The following DOCK9 variants were observed in gnomAD, a reference collection of about 807,000 sequenced individuals.
DOCK9 encodes the protein dedicator of cytokinesis protein 9.
DOCK9 carries 89 observed loss-of-function variants against 263.3 expected under a neutral mutation model. The observed-to-expected ratio is 0.34, with a 90% CI of 0.28 to 0.40. DOCK9 has a LOEUF of 0.40. DOCK9 is among the 10% of genes least tolerant of loss of function. The pLI, the probability that DOCK9 is intolerant of heterozygous loss-of-function variation, is 1.00. For missense variants in DOCK9, 2,140 were observed against 2,603.4 expected, an observed-to-expected ratio of 0.82 and a Z score of 3.87; for synonymous variants, 976 against 973.1, an observed-to-expected ratio of 1.00 and a Z score of -0.06.
intron 3 of DOCK9, among the ~76,000 whole-genome samples, chr13:98,926,931 T>C (rs1439524083): frequency 6.8e-6 from 1 of 147,744 alleles, no homozygotes. Flanking sequence ...TGTCAACCTT[T>C]CTATCTGTGT....
chr13:98,853,835 A>G (rs1223529188), intron 34 of DOCK9, among the ~76,000 whole-genome samples: 1 of 152,214 alleles, frequency 6.6e-6, no homozygotes, highest in Non-Finnish European at 1.5e-5. Flanking sequence ...TGCCAAGTAT[A>G]TTGAAACCTC....
At chr13:98,874,283 C>T (rs1316013594) in intron 27 of DOCK9, among the ~76,000 whole-genome samples, 4 of 152,186 alleles carry the variant, frequency 2.6e-5, no homozygotes, top group African/African-American at 4.8e-5. Flanking sequence ...TCATAGAATG[C>T]TTTTGAGATC....
At chr13:98,972,466 G>A (rs2059834315) in intron 1 of DOCK9, among the ~76,000 whole-genome samples, 1 of 152,120 alleles carries the variant, frequency 6.6e-6, no homozygotes, top group Non-Finnish European at 1.5e-5. Context: ...ACTTGGCATG[G>A]CAATGAGGTA....
intron 15 of DOCK9, among the ~76,000 whole-genome samples, chr13:98,892,979 G>A (rs773308634): frequency 4.3e-4 from 66 of 152,286 alleles, no homozygotes; most frequent in Non-Finnish European, 8.1e-4. Context: ...GCCACAGACT[G>A]GGCTTTGAAA....
In DOCK9 at chr13:98,825,093, G is replaced by A. The variant is rs2092470508; in HGVS notation, c.5024-589C>T. On this transcript the variant is annotated intron_variant, in intron 44 of 52. Coordinates refer to ENST00000682017, the MANE Select transcript of DOCK9 (RefSeq NM_001366683.2). The surrounding 1 kb of genome is among the most constrained non-coding windows in gnomAD (Gnocchi z 4.1). ...TGGGTGGCTGGCTGCATCAACAGAGGGCATGGATGCCTGGGCACTCTGATT... is the reference window on the plus strand; with the variant it reads ...TGGGTGGCTGGCTGCATCAACAGAGAGCATGGATGCCTGGGCACTCTGATT... Among the ~76,000 whole-genome samples, 1 of 152,156 alleles carries A rather than the reference G, an allele frequency of 6.6e-6. No homozygotes were observed.
At position 98,957,724 on chromosome 13, in the gene DOCK9, G is replaced by A. The variant is rs538469755; in HGVS notation, c.127-2173C>T. Among the ~76,000 whole-genome samples, 12 of 152,144 alleles carry A rather than the reference G, an allele frequency of 7.9e-5. No individual in the cohort carries two copies. In the South Asian group the frequency reaches 1.2e-3, roughly 16 times the overall value. On this transcript the variant is annotated intron_variant, in intron 1 of 52. Transcript: ENST00000682017. ...CTTGCTGGCAAAATGAATGGATGTCGTGATTAATAACATTTTCCCTAGGAA... is the reference window on the plus strand; with the variant it reads ...CTTGCTGGCAAAATGAATGGATGTCATGATTAATAACATTTTCCCTAGGAA...
rs758367314 is a variant in DOCK9 at position 98,888,417 on chromosome 13, A to G, written c.1920T>C (p.Asn640=). The change falls in exon 17 of 53, where the codon AAT becomes AAC. Residue 640 remains asparagine, a synonymous_variant. Coordinates refer to ENST00000682017, the MANE Select transcript of DOCK9 (RefSeq NM_001366683.2). ...KHTQPYTIYT[N]HLYVYPKYLK... ...AGTACTTAGGATAAACGTAAAGGTG[A>G]TTGGTGTAGATGGTGTAAGGCTGAG... 1 of 1,614,000 alleles carries G rather than the reference A, an allele frequency of 6.2e-7. No individual in the cohort carries two copies. Among genetic ancestry groups the G allele is most frequent in the Non-Finnish European group, 8.5e-7 (1 of 1,179,860 alleles).
In DOCK9 at chr13:98,805,129, C is replaced by T. The variant is rs561415253; in HGVS notation, c.5595G>A (p.Leu1865=). The change falls in exon 49 of 53, where the codon TTG becomes TTA. Residue 1865 remains leucine, a synonymous_variant. Coordinates refer to ENST00000682017, the MANE Select transcript of DOCK9 (RefSeq NM_001366683.2). ...HVIPFFDEKE[L]QERKTEFERS... is the part of the protein sequence containing the mutation. The stretch of plus-strand genomic sequence containing the variant: ...TCTCAAACTCTGTTTTCCTTTCTTG[C>T]AACTCTTTTTCGTCAAAGAAGGGGA... 21 of 1,610,076 alleles carry T rather than the reference C, an allele frequency of 1.3e-5. No individual in the cohort carries two copies. In the South Asian group the frequency reaches 1.3e-4, roughly 10 times the overall value.
chr13:99,016,076 C>T (rs1327890672), intron 1 of DOCK9: 2 of 152,900 alleles, frequency 1.3e-5, no homozygotes. Context: ...GAATGTTCAT[C>T]TGCTGCAAGA....
rs2092502657 is a variant in DOCK9, at chr13:98,825,782, T to C, written c.5023+1048A>G. On this transcript the variant is annotated intron_variant, in intron 44 of 52. Transcript: ENST00000682017. This position sits in a 1 kb window ranked among gnomAD's most constrained non-coding sequence, Gnocchi z 4.1. ...AGGGAAGGAGAGTGAAGTCTGTCCA[T>C]GCAAAGTTAAAAGGGCAAATCCCCC... 2 of 838,762 alleles carry C rather than the reference T, an allele frequency of 2.4e-6. No homozygotes were observed. The highest frequency in any genetic ancestry group is 3.4e-6 in the Non-Finnish European group (2 of 582,738). 52.0% of individuals were successfully genotyped at this position (838,762 alleles called of 1,614,324 possible).
At chr13:98,988,446 A>G (rs1243962730) in intron 1 of DOCK9, among the ~76,000 whole-genome samples, 2 of 152,240 alleles carry the variant, frequency 1.3e-5, no homozygotes, top group Non-Finnish European at 2.9e-5. Context: ...ACCCTGAGAC[A>G]GGTCTCTTAT....
chr13:98,872,951 G>C (rs1195261292), intron 27 of DOCK9, among the ~76,000 whole-genome samples: 2 of 152,204 alleles, frequency 1.3e-5, no homozygotes, highest in African/African-American at 2.4e-5. Context: ...GCCAGTGACT[G>C]AGGGTGGAAA....
intron 27 of DOCK9, 141 bp from the exon 28 acceptor site, chr13:98,868,518 C>G: frequency 1.1e-6 from 1 of 945,412 alleles, no homozygotes. Context: ...AACCCCAGCA[C>G]TTTGGGAAGC....
intron 1 of DOCK9, among the ~76,000 whole-genome samples, chr13:99,024,251 G>A (rs1240683897): frequency 6.6e-6 from 1 of 152,144 alleles, no homozygotes. Flanking sequence ...AGCACCCATG[G>A]CCCCACTGTA....
At chr13:98,962,501 G>A (rs2058741205) in intron 1 of DOCK9, among the ~76,000 whole-genome samples, 1 of 152,220 alleles carries the variant, frequency 6.6e-6, no homozygotes, top group Non-Finnish European at 1.5e-5. Flanking sequence ...AAGCCGAGCT[G>A]TGCAGTCATG....
chr13:98,853,088 T>C (rs1040661719), intron 35 of DOCK9, among the ~76,000 whole-genome samples: 2 of 152,236 alleles, frequency 1.3e-5, no homozygotes, highest in Admixed American at 6.5e-5. Flanking sequence ...AAAGCTATTT[T>C]ATTTATGTGC....
rs112339173 is a variant in DOCK9 at position 98,931,275 on chromosome 13, T to C, written c.244-1018A>G. Among the ~76,000 whole-genome samples, 1,178 of 148,608 alleles carry C rather than the reference T, an allele frequency of 7.9e-3. 16 individuals are homozygous for C. Among genetic ancestry groups the C allele is most frequent in the African/African-American group, 0.028 (1,142 of 40,686 alleles). On this transcript the variant is annotated intron_variant, in intron 2 of 52. Transcript: ENST00000682017. ...CTAGGCTTAAGGTTTCCTTTTCTTT[T>C]TCTTTTTAATTTTTTTATTTATTTT...
At chr13:99,024,826 T>C (rs1405964891) in intron 1 of DOCK9, among the ~76,000 whole-genome samples, 1 of 152,212 alleles carries the variant, frequency 6.6e-6, no homozygotes, top group Non-Finnish European at 1.5e-5. Context: ...TTTTTCAAAA[T>C]AGTCCTATTT....
At chr13:98,866,702 T>C (rs1396837553) in intron 30 of DOCK9, among the ~76,000 whole-genome samples, 1 of 152,196 alleles carries the variant, frequency 6.6e-6, no homozygotes, top group African/African-American at 2.4e-5. Context: ...ATTAAAAGCA[T>C]GTAAAAAAGC....
Sources: gnomAD v4.1 joint callset for allele counts (sites outside exome capture counted in the v4.1 genomes callset) on GRCh38, gnomAD v4.1.1 for gene constraint, Gnocchi (gnomAD v3.1) non-coding constraint, MANE v1.5 for transcripts, NCBI Gene and HGNC (gene_info 2026-07-23, HGNC 2026-07-21) for gene names.